Variants in GATAD2B observed in about 807,000 individuals in gnomAD.
GATAD2B encodes the protein GATA zinc finger domain containing 2B.
Under a neutral mutation model 64.3 loss-of-function variants are expected in GATAD2B, and 8 were observed. That is an observed-to-expected ratio of 0.12 (90% CI 0.07 to 0.22). GATAD2B has a LOEUF of 0.22. GATAD2B is among the 10% of genes least tolerant of loss of function. GATAD2B has a pLI of 1.00. For missense variants in GATAD2B, 453 were observed against 752.0 expected, an observed-to-expected ratio of 0.60 and a Z score of 4.65; for synonymous variants, 281 against 271.3, an observed-to-expected ratio of 1.04 and a Z score of -0.35.
chr1:153,895,671 G>C (rs919567859), intron 1 of GATAD2B, among the ~76,000 whole-genome samples: 4 of 152,024 alleles, frequency 2.6e-5, no homozygotes, highest in African/African-American at 9.7e-5. Context: ...AAAATTTATT[G>C]ACAATATAAT....
chr1:153,913,331 A>G (rs1678163450), intron 1 of GATAD2B, among the ~76,000 whole-genome samples: 1 of 152,192 alleles, frequency 6.6e-6, no homozygotes, highest in African/African-American at 2.4e-5. Flanking sequence ...TTCTCCTCTG[A>G]TCCCCAGGCC....
intron 1 of GATAD2B, among the ~76,000 whole-genome samples, chr1:153,863,512 GA>G (rs61401496): frequency 0.33 from 37,452 of 113,362 alleles, 5,162 homozygotes; most frequent in Admixed American, 0.44. Context: ...AAAGAAATAA[GA>G]AAAAAAAAAA....
chr1:153,861,656 G>T (rs1237351098), intron 1 of GATAD2B, among the ~76,000 whole-genome samples: 3 of 148,792 alleles, frequency 2.0e-5, no homozygotes, highest in African/African-American at 7.4e-5. Context: ...GGTGGTGCAC[G>T]CCTGTAGTCC....
intron 1 of GATAD2B, among the ~76,000 whole-genome samples, chr1:153,829,646 G>A (rs1422279217): frequency 6.6e-6 from 1 of 152,110 alleles, no homozygotes; most frequent in Non-Finnish European, 1.5e-5. Flanking sequence ...CTGAGGCAAA[G>A]AATTGCTTGA....
intron 1 of GATAD2B, among the ~76,000 whole-genome samples, chr1:153,879,151 G>A (rs1180926743): frequency 6.6e-6 from 1 of 152,086 alleles, no homozygotes; most frequent in Non-Finnish European, 1.5e-5. Flanking sequence ...GTCTTAGCCA[G>A]GATCGTCTCT....
intron 1 of GATAD2B, among the ~76,000 whole-genome samples, chr1:153,857,666 G>C (rs542929420): frequency 6.6e-6 from 1 of 152,184 alleles, no homozygotes; most frequent in South Asian, 2.1e-4. Flanking sequence ...AATGGTCCTG[G>C]AACATGAGTC....
intron 2 of GATAD2B, among the ~76,000 whole-genome samples, chr1:153,824,042 C>T (rs1199878930): frequency 6.6e-6 from 1 of 152,130 alleles, no homozygotes; most frequent in Non-Finnish European, 1.5e-5. Flanking sequence ...TTTGTTCATT[C>T]TTATACATCT....
intron 1 of GATAD2B, among the ~76,000 whole-genome samples, chr1:153,855,709 C>T (rs1251149832): frequency 1.3e-5 from 2 of 152,058 alleles, no homozygotes; most frequent in Admixed American, 1.3e-4. Context: ...GGGTCTGGCT[C>T]TGTCACCTGG....
intron 9 of GATAD2B, 86 bp from the exon 10 acceptor site, chr1:153,811,934 T>C (rs1268539672): frequency 8.0e-7 from 1 of 1,252,838 alleles, no homozygotes; most frequent in Non-Finnish European, 1.2e-6. Flanking sequence ...AGAAGAAGAC[T>C]ATGATTTCCC....
rs527484717 is a variant in GATAD2B, at chr1:153,860,879, T to C, written c.-1-32531A>G. 3.9e-5 allele frequency among the ~76,000 whole-genome samples: 6 copies of C among 152,272 alleles called. No individual in the cohort carries two copies. In the South Asian group the frequency reaches 1.2e-3, roughly 32 times the overall value. ...GTTGCTGAGGCTGCTCTTGAACTCCTGACCTTAAGTGATCCTCCCATCGTG... is the reference window on the plus strand; with the variant it reads ...GTTGCTGAGGCTGCTCTTGAACTCCCGACCTTAAGTGATCCTCCCATCGTG... On this transcript the variant is annotated intron_variant, in intron 1 of 10. Transcript: ENST00000368655.
At chr1:153,891,331 G>A (rs1158044095) in intron 1 of GATAD2B, among the ~76,000 whole-genome samples, 1 of 151,826 alleles carries the variant, frequency 6.6e-6, no homozygotes, top group Non-Finnish European at 1.5e-5. Flanking sequence ...ATTTTGGGAG[G>A]CCAAGGTGGG....
At chr1:153,861,699 T>C (rs1676287033) in intron 1 of GATAD2B, among the ~76,000 whole-genome samples, 1 of 147,644 alleles carries the variant, frequency 6.8e-6, no homozygotes, top group African/African-American at 2.5e-5. Context: ...GAAGAATCAC[T>C]TGAACCCAGG....
At chr1:153,906,568 C>T (rs1363967957) in intron 1 of GATAD2B, among the ~76,000 whole-genome samples, 1 of 151,988 alleles carries the variant, frequency 6.6e-6, no homozygotes, top group Non-Finnish European at 1.5e-5. Context: ...AGAGCTAACA[C>T]TCTTAGATGC....
chr1:153,869,825 T>G (rs942260273), intron 1 of GATAD2B, among the ~76,000 whole-genome samples: 1 of 152,162 alleles, frequency 6.6e-6, no homozygotes, highest in African/African-American at 2.4e-5. Flanking sequence ...TGAAGATCCC[T>G]CATCAGAAAA....
intron 1 of GATAD2B, among the ~76,000 whole-genome samples, chr1:153,846,794 C>A (rs1002437743): frequency 1.3e-5 from 2 of 151,734 alleles, no homozygotes; most frequent in Non-Finnish European, 2.9e-5. Context: ...CTTCTGACCT[C>A]GTGATCCACC....
intron 1 of GATAD2B, chr1:153,852,978 C>A: frequency 2.0e-6 from 2 of 981,564 alleles, no homozygotes; most frequent in South Asian, 1.3e-5. Flanking sequence ...GGGTCTTCTC[C>A]ACAGTGCCAG....
At position 153,812,121 on chromosome 1, in the gene GATAD2B, C is replaced by T. The variant is rs765131928; in HGVS notation, c.1431G>A (p.Gln477=). The change falls in exon 9 of 11, where the codon CAG becomes CAA. Residue 477 remains glutamine, a synonymous_variant. Coordinates refer to ENST00000368655, the MANE Select transcript of GATAD2B (RefSeq NM_020699.4). ...AGAGGGCTGCCTGCTGCTGTAATCG[C>T]TGTTCAATTTCCTGTTGGGAGTCAT... The part of the protein sequence containing the change: ...KALQQEQEIE[Q]RLQQQAALSP... 2 of 1,605,190 alleles carry T rather than the reference C, an allele frequency of 1.2e-6. No homozygotes were observed. The highest frequency in any genetic ancestry group is 1.1e-5 in the South Asian group (1 of 90,926).
intron 1 of GATAD2B, among the ~76,000 whole-genome samples, chr1:153,842,986 G>A (rs1160146375): frequency 2.0e-4 from 24 of 120,718 alleles, no homozygotes; most frequent in African/African-American, 7.4e-4. Context: ...ACAGAGTCTC[G>A]CTGTCGCCCA....
intron 1 of GATAD2B, among the ~76,000 whole-genome samples, chr1:153,829,999 G>A (rs903436571): frequency 1.3e-5 from 2 of 151,298 alleles, no homozygotes; most frequent in Non-Finnish European, 2.9e-5. Context: ...GAGAGGCTGA[G>A]GCATGAGAAT....
Sources: gnomAD v4.1 joint callset for allele counts (sites outside exome capture counted in the v4.1 genomes callset) on GRCh38, gnomAD v4.1.1 for gene constraint, MANE v1.5 for transcripts, NCBI Gene and HGNC (gene_info 2026-07-23, HGNC 2026-07-21) for gene names.